The following ANKS1B variants were observed in gnomAD, a reference collection of about 807,000 sequenced individuals.
ANKS1B encodes the protein ankyrin repeat and sterile alpha motif domain containing 1B.
In ANKS1B, 36 loss-of-function variants were observed where a neutral mutation model predicts 148.3. That is an observed-to-expected ratio of 0.24 (90% CI 0.19 to 0.32). ANKS1B has a LOEUF of 0.32. ANKS1B is among the 10% of genes least tolerant of loss of function. The probability of loss-of-function intolerance (pLI) is 1.00; values close to 1 mark genes in which losing one functional copy is unlikely to be tolerated. For missense variants in ANKS1B, 1,157 were observed against 1,542.6 expected (o/e 0.75, Z 4.19); for synonymous variants, 542 against 560.8 (o/e 0.97, Z 0.47).
At chr12:99,816,496 A>G (rs1225040229) in intron 2 of ANKS1B, among the ~76,000 whole-genome samples, 2 of 151,448 alleles carry the variant, frequency 1.3e-5, no homozygotes, top group Non-Finnish European at 3.0e-5. Context: ...GGTCCCATTT[A>G]TTTATTTTCG....
At chr12:99,068,354 C>T (rs2045169230) in intron 16 of ANKS1B, among the ~76,000 whole-genome samples, 1 of 152,052 alleles carries the variant, frequency 6.6e-6, no homozygotes, top group Admixed American at 6.5e-5. Flanking sequence ...AGCTATTGCT[C>T]CTAGTCTATA....
At chr12:99,013,174 G>A (rs2099940449) in intron 17 of ANKS1B, among the ~76,000 whole-genome samples, 1 of 152,138 alleles carries the variant, frequency 6.6e-6, no homozygotes, top group Non-Finnish European at 1.5e-5. Flanking sequence ...CATTAATCCT[G>A]GGTGCCCAGA....
chr12:98,881,926 A>G lies in ANKS1B; in HGVS notation c.2779-49790T>C, dbSNP rs796322678. Among the ~76,000 whole-genome samples the G allele has an allele frequency of 3.9e-4, 60 of 152,292 alleles. 1 individual carries two copies. The highest frequency in any genetic ancestry group is 9.9e-4 in the African/African-American group (41 of 41,588). ...ACATGTTTCTTGGCATATATGAAGA[A>G]GCACTGAAGCAAATGAATCTATCTC... On this transcript the variant is annotated intron_variant, in intron 17 of 26. Transcript: ENST00000683438.
At chr12:99,070,145 T>C (rs1393512288) in intron 16 of ANKS1B, among the ~76,000 whole-genome samples, 1 of 152,228 alleles carries the variant, frequency 6.6e-6, no homozygotes. Context: ...AGAATGTCTT[T>C]CTGGCATGCT....
At chr12:99,925,149 G>C (rs1412776772) in intron 1 of ANKS1B, among the ~76,000 whole-genome samples, 2 of 152,074 alleles carry the variant, frequency 1.3e-5, no homozygotes, top group Non-Finnish European at 2.9e-5. Context: ...ACCCTCTGTG[G>C]ATACAAAACT....
intron 9 of ANKS1B, among the ~76,000 whole-genome samples, chr12:99,532,776 G>A (rs1163056351): frequency 6.6e-6 from 1 of 152,178 alleles, no homozygotes; most frequent in Non-Finnish European, 1.5e-5. Flanking sequence ...TTATTAAATA[G>A]GATGTCCTTT....
intron 9 of ANKS1B, among the ~76,000 whole-genome samples, chr12:99,569,715 A>G (rs2097432132): frequency 6.6e-6 from 1 of 152,140 alleles, no homozygotes; most frequent in African/African-American, 2.4e-5. Context: ...TGTCCACCCC[A>G]TTAAGAATGA....
chr12:99,663,967 A>C (rs1423730023), intron 8 of ANKS1B, among the ~76,000 whole-genome samples: 2 of 152,144 alleles, frequency 1.3e-5, no homozygotes, highest in Admixed American at 6.5e-5. Flanking sequence ...ACTTATATAC[A>C]ATCAATTTGA....
At chr12:99,730,079 C>T (rs1253346148) in intron 8 of ANKS1B, among the ~76,000 whole-genome samples, 3 of 152,194 alleles carry the variant, frequency 2.0e-5, no homozygotes, top group Admixed American at 2.0e-4. Flanking sequence ...CTTTCTCTGA[C>T]CACGTCCAAC....
chr12:98,988,676 C>T (rs2099924852), intron 17 of ANKS1B, among the ~76,000 whole-genome samples: 1 of 152,120 alleles, frequency 6.6e-6, no homozygotes, highest in Non-Finnish European at 1.5e-5. Context: ...TGAGAAACCT[C>T]CATACTGTTT....
At chr12:99,570,129 T>A (rs1400831725) in intron 9 of ANKS1B, among the ~76,000 whole-genome samples, 3 of 152,140 alleles carry the variant, frequency 2.0e-5, no homozygotes, top group Non-Finnish European at 4.4e-5. Context: ...TGCTGATGTT[T>A]AACAAGCAGC....
chr12:99,761,294 A>G (rs1315866267), intron 8 of ANKS1B, among the ~76,000 whole-genome samples: 1 of 151,598 alleles, frequency 6.6e-6, no homozygotes, highest in Non-Finnish European at 1.5e-5. Context: ...TGAACAGAGA[A>G]GCAAATATCC....
intron 8 of ANKS1B, among the ~76,000 whole-genome samples, chr12:99,688,753 A>C (rs576365818): frequency 1.7e-3 from 255 of 152,200 alleles, no homozygotes; most frequent in African/African-American, 5.8e-3. Flanking sequence ...AGGTGGAAGG[A>C]TTGCTTGAGC....
intron 12 of ANKS1B, among the ~76,000 whole-genome samples, chr12:99,308,698 A>G (rs1013525547): frequency 6.6e-6 from 1 of 151,898 alleles, no homozygotes; most frequent in African/African-American, 2.4e-5. Context: ...GTAAATTGAG[A>G]GATGAATAAC....
chr12:99,675,198 T>A (rs1022058837), intron 8 of ANKS1B, among the ~76,000 whole-genome samples: 4 of 152,004 alleles, frequency 2.6e-5, no homozygotes, highest in Non-Finnish European at 4.4e-5. Context: ...AAGTTTCTTC[T>A]CTTTCAGAAA....
At chr12:99,842,163 A>G (rs1316842939) in intron 1 of ANKS1B, among the ~76,000 whole-genome samples, 2 of 151,962 alleles carry the variant, frequency 1.3e-5, no homozygotes, top group Non-Finnish European at 2.9e-5. Flanking sequence ...TTTCATTTCA[A>G]TTATTATATA....
chr12:99,258,312 T>C (rs564149626), intron 12 of ANKS1B, among the ~76,000 whole-genome samples: 8 of 152,050 alleles, frequency 5.3e-5, no homozygotes, highest in African/African-American at 1.9e-4. Context: ...TGGCCTCAAA[T>C]AAAGCAAATC....
At chr12:99,745,184 G>C (rs1369378843) in intron 8 of ANKS1B, among the ~76,000 whole-genome samples, 1 of 151,490 alleles carries the variant, frequency 6.6e-6, no homozygotes, top group Non-Finnish European at 1.5e-5. Flanking sequence ...TAAACAAAGA[G>C]AATAAGGAAA....
chr12:99,658,104 G>A (rs897116412), intron 8 of ANKS1B, among the ~76,000 whole-genome samples: 16 of 151,986 alleles, frequency 1.1e-4, no homozygotes, highest in African/African-American at 3.6e-4. Context: ...GCCTAATCAT[G>A]CTCTATGCTT....
Sources: gnomAD v4.1 joint callset for allele counts (sites outside exome capture counted in the v4.1 genomes callset) on GRCh38, gnomAD v4.1.1 for gene constraint, MANE v1.5 for transcripts, NCBI Gene and HGNC (gene_info 2026-07-23, HGNC 2026-07-21) for gene names.